Variants in PRPF6 observed in about 807,000 individuals in gnomAD.
PRPF6 encodes pre-mRNA processing factor 6.
A neutral mutation model predicts 118.3 loss-of-function variants in PRPF6; 42 were observed. That is an observed-to-expected ratio of 0.35 (90% confidence interval 0.28 to 0.46). PRPF6 has a LOEUF of 0.46. Among genes scored for constraint, PRPF6 ranks in the 20% least tolerant of loss-of-function variants. The probability of loss-of-function intolerance (pLI) is 1.00; values close to 1 mark genes in which losing one functional copy is unlikely to be tolerated. For missense variants in PRPF6, 662 were observed against 1,255.7 expected (o/e 0.53, Z 7.15); for synonymous variants, 481 against 485.1 (o/e 0.99, Z 0.11).
intron 12 of PRPF6, 110 bp from the exon 13 acceptor site, chr20:64,022,647 C>A: frequency 6.6e-7 from 1 of 1,515,048 alleles, no homozygotes; most frequent in Non-Finnish European, 9.1e-7. Flanking sequence ...TGTGGTACAC[C>A]TTCTAGCAGA....
At chr20:64,030,393 C>T (rs1569226795) in intron 19 of PRPF6, among the ~76,000 whole-genome samples, 1 of 152,194 alleles carries the variant, frequency 6.6e-6, no homozygotes, top group Non-Finnish European at 1.5e-5. Context: ...GCAGAGACAA[C>T]AGCCTTCCTA....
chr20:63,999,590 C>T lies in PRPF6; in HGVS notation c.867-13C>T, dbSNP rs749631995. ...AGCATGGCCTGATGCCGTGTGCACTCTCCCTCTCATAGTGATATCAAGAAG... is the reference window on the plus strand; with the variant it reads ...AGCATGGCCTGATGCCGTGTGCACTTTCCCTCTCATAGTGATATCAAGAAG... On this transcript the variant is annotated splice_polypyrimidine_tract_variant and intron_variant, in intron 7 of 20. Coordinates refer to ENST00000266079, the MANE Select transcript of PRPF6 (RefSeq NM_012469.4). 9 of 1,613,786 alleles carry T rather than the reference C, an allele frequency of 5.6e-6. No homozygotes were observed. Among genetic ancestry groups the T allele is most frequent in the African/African-American group, 2.7e-5 (2 of 74,928 alleles).
At chr20:63,981,398 C>T (rs1032076820) in intron 1 of PRPF6, 82 bp downstream of exon 1, 3 of 1,338,104 alleles carry the variant, frequency 2.2e-6, no homozygotes, top group East Asian at 2.5e-5. Context: ...GGGCGGGGGT[C>T]TATGGCCGCG....
chr20:63,995,189 A>G (rs1206305805), intron 5 of PRPF6, 97 bp downstream of exon 5: 2 of 1,592,856 alleles, frequency 1.3e-6, no homozygotes, highest in East Asian at 2.2e-5. Flanking sequence ...TCTGCAGGTC[A>G]TGGCTATGCT....
chr20:63,997,314 A>G (rs59755194), intron 6 of PRPF6, among the ~76,000 whole-genome samples: 28,080 of 137,828 alleles, frequency 0.2, 3,175 homozygotes, highest in African/African-American at 0.29. Context: ...TTTTTGAGAC[A>G]GAGTCTCTCT....
rs764082339 is a variant in PRPF6 at position 63,999,170 on chromosome 20, A to T, written c.866+31A>T. ...TGCTTTGCAGAATCGCTGGGCTGGGATGGAGACTCTAGTTGCCTAGGGTAT... is the reference window on the plus strand; with the variant it reads ...TGCTTTGCAGAATCGCTGGGCTGGGTTGGAGACTCTAGTTGCCTAGGGTAT... On this transcript the variant is annotated intron_variant, in intron 7 of 20. Coordinates refer to ENST00000266079, the MANE Select transcript of PRPF6 (RefSeq NM_012469.4). The T allele has an allele frequency of 3.8e-6, 6 of 1,583,710 alleles. No individual in the cohort carries two copies. The South Asian group carries it at 4.4e-5, about 12-fold the overall frequency.
chr20:64,010,979 T>A (rs2059214162), intron 10 of PRPF6, among the ~76,000 whole-genome samples: 1 of 152,208 alleles, frequency 6.6e-6, no homozygotes, highest in Non-Finnish European at 1.5e-5. Flanking sequence ...AGTAGCCTCA[T>A]CCTGCTCGTC....
intron 12 of PRPF6, among the ~76,000 whole-genome samples, chr20:64,021,751 G>A (rs954077906): frequency 1.4e-5 from 2 of 146,852 alleles, no homozygotes; most frequent in Admixed American, 6.8e-5. Flanking sequence ...GTGTGTGCAC[G>A]TATGCATATG....
chr20:64,016,914 T>TA (rs1007718230), intron 12 of PRPF6, 69 bp downstream of exon 12: 5 of 1,597,538 alleles, frequency 3.1e-6, no homozygotes, highest in Non-Finnish European at 4.3e-6. Context: ...AGGCACCTTA[T>TA]AAACTACTAG....
chr20:63,993,226 ATGTGT>A (rs1429456622), intron 3 of PRPF6, among the ~76,000 whole-genome samples, 176 bp from the exon 4 acceptor site: 2 of 129,296 alleles, frequency 1.5e-5, no homozygotes, highest in African/African-American at 5.9e-5. Context: ...AAAAAAAAAA[ATGTGT>A]GTGTGTGTGT....
In PRPF6 at chr20:64,026,219, C is replaced by T. The variant is rs1015175652; in HGVS notation, c.2028+161C>T. Among the ~76,000 whole-genome samples, 2 of 152,106 alleles carry T rather than the reference C, an allele frequency of 1.3e-5. No individual in the cohort carries two copies. Among genetic ancestry groups the T allele is most frequent in the African/African-American group, 4.8e-5 (2 of 41,446 alleles). The stretch of plus-strand genomic sequence containing the variant: ...TGACTAAAACATTCATGTGGCCGGG[C>T]GTGGTGGCCGGGCGCGGTGGCTCAC... On this transcript the variant is annotated intron_variant, in intron 15 of 20. Transcript: ENST00000266079. This position sits in a 1 kb window ranked among gnomAD's most constrained non-coding sequence, Gnocchi z 4.4.
chr20:63,993,324 T>C (rs1333484153), intron 3 of PRPF6, 83 bp from the exon 4 acceptor site: 8 of 917,032 alleles, frequency 8.7e-6, no homozygotes, highest in Non-Finnish European at 1.4e-5. Flanking sequence ...TTGTTCTTTT[T>C]GGTGATTTAA....
chr20:63,981,951 A>G (rs1032972197), intron 1 of PRPF6, among the ~76,000 whole-genome samples: 2 of 152,040 alleles, frequency 1.3e-5, no homozygotes, highest in African/African-American at 4.8e-5. Flanking sequence ...AGAGAGCTGG[A>G]CTTAGGGCTG....
In PRPF6 at chr20:64,011,814, T is replaced by TTA; in HGVS notation, c.1524+311_1524+312insTA. ...AGGACAGGAAGTCTCATGGCTTCTT[T>TTA]CTTTGCTAGTAGAAATGATACACCT... On this transcript the variant is annotated intron_variant, in intron 11 of 20. Transcript: ENST00000266079. This position sits in a 1 kb window ranked among gnomAD's most constrained non-coding sequence, Gnocchi z 6.7. 8.6e-6 allele frequency among the ~76,000 whole-genome samples: 1 copy of TTA among 116,330 alleles called. No homozygotes were observed. The highest frequency in any genetic ancestry group is 2.9e-4 in the South Asian group (1 of 3,466). The allele number at this position is 116,330 out of a possible 152,430, so 76.3% of individuals were successfully genotyped here. A position where few individuals can be genotyped will look rare whatever the true frequency, so the allele number is the denominator to read the frequency against.
At chr20:64,004,833 G>A (rs2059182630) in intron 9 of PRPF6, among the ~76,000 whole-genome samples, 1 of 152,204 alleles carries the variant, frequency 6.6e-6, no homozygotes, top group Non-Finnish European at 1.5e-5. Flanking sequence ...TGTGTACTCC[G>A]CTAGTTAATG....
intron 2 of PRPF6, among the ~76,000 whole-genome samples, chr20:63,984,090 A>T (rs1254917402): frequency 1.3e-5 from 2 of 152,226 alleles, no homozygotes; most frequent in Admixed American, 1.3e-4. Flanking sequence ...CTTCTAACAG[A>T]TGACATTTTT....
At chr20:64,000,346 A>G in intron 8 of PRPF6, among the ~76,000 whole-genome samples, 1 of 150,862 alleles carries the variant, frequency 6.6e-6, no homozygotes, top group South Asian at 2.1e-4. Context: ...AAAGTTAGCC[A>G]GGCGTCGTGA....
rs2059078491 is a variant in PRPF6, at chr20:63,983,119, T to C, written c.144T>C (p.His48=). Residue 48 remains histidine, a synonymous_variant, in exon 2 of 21, where the codon CAT becomes CAC. Coordinates refer to ENST00000266079, the MANE Select transcript of PRPF6 (RefSeq NM_012469.4). ...RDANDPVDDR[H]APPGKRTVGD... is the part of the protein sequence containing the mutation. ...CAAATGACCCTGTGGATGATCGCCATGCACCCCCAGGCAAGAGAACCGTTG... is the reference window on the plus strand; with the variant it reads ...CAAATGACCCTGTGGATGATCGCCACGCACCCCCAGGCAAGAGAACCGTTG... The C allele has an allele frequency of 1.2e-6, 2 of 1,614,122 alleles. No individual in the cohort carries two copies. Among genetic ancestry groups the C allele is most frequent in the Non-Finnish European group, 8.5e-7 (1 of 1,180,030 alleles).
chr20:64,014,002 A>T (rs558718953), intron 11 of PRPF6, among the ~76,000 whole-genome samples: 1 of 151,666 alleles, frequency 6.6e-6, no homozygotes, highest in Admixed American at 6.6e-5. Flanking sequence ...GGTGCAATCA[A>T]TCTTGGCTCT....
Sources: gnomAD v4.1 joint callset for allele counts (sites outside exome capture counted in the v4.1 genomes callset) on GRCh38, gnomAD v4.1.1 for gene constraint, Gnocchi (gnomAD v3.1) non-coding constraint, MANE v1.5 for transcripts, NCBI Gene and HGNC (gene_info 2026-07-23, HGNC 2026-07-21) for gene names.